GXYLT2: variants seen among roughly 807,000 people sequenced by gnomAD.
The protein encoded by GXYLT2 is glycosyltransferase 8 domain containing 4.
A neutral mutation model predicts 45.8 loss-of-function variants in GXYLT2; 53 were observed. The observed-to-expected ratio is 1.16, with a 90% CI of 0.93 to 1.46. The LOEUF (loss-of-function observed/expected upper bound fraction) is 1.46. GXYLT2 is among the 40% of genes most tolerant of loss of function. The pLI is 0.00. For missense variants in GXYLT2, 551 were observed against 544.4 expected (o/e 1.01, Z -0.12); for synonymous variants, 219 against 214.2 (o/e 1.02, Z -0.19).
At chr3:72,955,406 G>A in intron 4 of GXYLT2, 57 bp downstream of exon 4, 1 of 1,570,136 alleles carries the variant, frequency 6.4e-7, no homozygotes, top group South Asian at 1.1e-5. Context: ...CTTGTCAACA[G>A]TGGCACTACC....
chr3:72,908,764 G>C (rs1249191817), intron 2 of GXYLT2, among the ~76,000 whole-genome samples: 1 of 152,140 alleles, frequency 6.6e-6, no homozygotes, highest in Non-Finnish European at 1.5e-5. Context: ...TGAGACGAGG[G>C]TCTCACTCTA....
At chr3:72,952,784 C>T (rs771216136) in intron 3 of GXYLT2, among the ~76,000 whole-genome samples, 1 of 152,028 alleles carries the variant, frequency 6.6e-6, no homozygotes, top group Non-Finnish European at 1.5e-5. Flanking sequence ...GAGCCCTATC[C>T]TTCTGACCTC....
chr3:72,902,888 C>T (rs1225501431), intron 1 of GXYLT2, among the ~76,000 whole-genome samples: 3 of 152,128 alleles, frequency 2.0e-5, no homozygotes, highest in African/African-American at 7.2e-5. Context: ...TGGTGGGCAC[C>T]TGTAATCCCA....
rs540750312 is a variant in GXYLT2, at chr3:72,940,970, G to T, written c.601-14128G>T. Among the ~76,000 whole-genome samples the T allele has an allele frequency of 4.6e-5, 7 of 152,190 alleles. No homozygotes were observed. In the East Asian group the frequency reaches 1.2e-3, roughly 25 times the overall value. ...GCTGGGATTACAGGCATGAGCCACC[G>T]CACTGGCCCAATTTTTAAAAATAGT... is the stretch of plus-strand genomic sequence containing the variant. On this transcript the variant is annotated intron_variant, in intron 3 of 6. Coordinates refer to ENST00000389617, the MANE Select transcript of GXYLT2 (RefSeq NM_001080393.2).
intron 3 of GXYLT2, among the ~76,000 whole-genome samples, chr3:72,940,521 A>G (rs1041392625): frequency 2.0e-5 from 3 of 151,938 alleles, no homozygotes; most frequent in Middle Eastern, 3.2e-3. Flanking sequence ...CTGAAGAGAG[A>G]GCGGGGGTTG....
chr3:72,926,813 G>A (rs1709926889), intron 3 of GXYLT2: 1 of 152,214 alleles, frequency 6.6e-6, no homozygotes, highest in Admixed American at 6.5e-5. Flanking sequence ...ATGGTAATTT[G>A]AGGTAGGGTA....
chr3:72,921,112 C>T (rs148628580), intron 2 of GXYLT2, among the ~76,000 whole-genome samples: 10 of 151,940 alleles, frequency 6.6e-5, no homozygotes, highest in South Asian at 4.2e-4. Context: ...TGAGCCACCA[C>T]GCCCGGCCTC....
At chr3:72,958,536 G>GA (rs1168511136) in intron 5 of GXYLT2, among the ~76,000 whole-genome samples, 4 of 144,888 alleles carry the variant, frequency 2.8e-5, no homozygotes, top group African/African-American at 1.0e-4. Flanking sequence ...TCCTCGAAAA[G>GA]AAAAAAAAGC....
At chr3:72,934,686 A>G (rs577111005) in intron 3 of GXYLT2, among the ~76,000 whole-genome samples, 1 of 152,320 alleles carries the variant, frequency 6.6e-6, no homozygotes, top group African/African-American at 2.4e-5. Context: ...CCCTTGGGCA[A>G]AATATTGGAA....
intron 2 of GXYLT2, among the ~76,000 whole-genome samples, chr3:72,919,605 A>G (rs903593860): frequency 2.0e-5 from 3 of 152,240 alleles, no homozygotes; most frequent in Non-Finnish European, 4.4e-5. Context: ...AAATACAAAA[A>G]GTAACTGGGT....
At chr3:72,956,934 G>T (rs1465305877) in intron 4 of GXYLT2, among the ~76,000 whole-genome samples, 1 of 138,750 alleles carries the variant, frequency 7.2e-6, no homozygotes, top group African/African-American at 2.7e-5. Context: ...GGGAGGGAGG[G>T]AGGGAGGGAA....
At chr3:72,905,274 C>A (rs1709490589) in intron 1 of GXYLT2, among the ~76,000 whole-genome samples, 3 of 151,952 alleles carry the variant, frequency 2.0e-5, no homozygotes, top group African/African-American at 7.2e-5. Context: ...CACGCCACCA[C>A]AACCAGCTAA....
chr3:72,931,334 A>G (rs1392000069), intron 3 of GXYLT2, among the ~76,000 whole-genome samples: 1 of 151,288 alleles, frequency 6.6e-6, no homozygotes, highest in Non-Finnish European at 1.5e-5. Flanking sequence ...TTCACCCCCC[A>G]TTCTCCTGCC....
intron 6 of GXYLT2, 83 bp downstream of exon 6, chr3:72,967,802 G>A: frequency 1.1e-5 from 13 of 1,153,912 alleles, no homozygotes; most frequent in Non-Finnish European, 1.4e-5. Context: ...TCCCTTTGAA[G>A]GCCAAATATT....
chr3:72,953,453 C>T (rs1204836126), intron 3 of GXYLT2, among the ~76,000 whole-genome samples: 1 of 152,024 alleles, frequency 6.6e-6, no homozygotes, highest in Non-Finnish European at 1.5e-5. Context: ...CCATGCCTGG[C>T]TAATTTTTCT....
chr3:72,973,075 G>A (rs1711026580), intron 6 of GXYLT2, among the ~76,000 whole-genome samples: 1 of 152,170 alleles, frequency 6.6e-6, no homozygotes, highest in African/African-American at 2.4e-5. Context: ...CAGCCTGGGT[G>A]ACACAGCAAG....
intron 1 of GXYLT2, 179 bp from the exon 2 acceptor site, chr3:72,908,188 G>A (rs1464832799): frequency 2.1e-5 from 12 of 575,832 alleles, no homozygotes; most frequent in Non-Finnish European, 3.3e-5. Flanking sequence ...ATAAATATGG[G>A]AATAAATGGT....
intron 2 of GXYLT2, among the ~76,000 whole-genome samples, chr3:72,921,815 A>G (rs1709837906): frequency 6.6e-6 from 1 of 152,096 alleles, no homozygotes; most frequent in Admixed American, 6.6e-5. Context: ...ATTGTTCCCA[A>G]GTTTGTTGGG....
At chr3:72,964,380 T>C (rs371854821) in intron 5 of GXYLT2, among the ~76,000 whole-genome samples, 67 of 152,046 alleles carry the variant, frequency 4.4e-4, no homozygotes, top group African/African-American at 1.5e-3. Context: ...TGGAGTGCAG[T>C]GGTGCGATCT....
Sources: gnomAD v4.1 joint callset for allele counts (sites outside exome capture counted in the v4.1 genomes callset) on GRCh38, gnomAD v4.1.1 for gene constraint, MANE v1.5 for transcripts, NCBI Gene and HGNC (gene_info 2026-07-23, HGNC 2026-07-21) for gene names.